Variants in AADACL3 observed in about 807,000 individuals in gnomAD.
AADACL3 encodes arylacetamide deacetylase like 3.
In AADACL3, 13 loss-of-function variants were observed where a neutral mutation model predicts 13.6. The observed-to-expected ratio is 0.95, with a 90% CI of 0.62 to 1.52. The LOEUF (loss-of-function observed/expected upper bound fraction) is 1.52. AADACL3 is among the 40% of genes most tolerant of loss of function. AADACL3 has a pLI of 0.00. For missense variants in AADACL3, 519 were observed against 499.2 expected, an observed-to-expected ratio of 1.04 and a Z score of -0.38; for synonymous variants, 195 against 197.0, an observed-to-expected ratio of 0.99 and a Z score of 0.08.
At chr1:12,724,741 CT>C (rs1638333252) in intron 3 of AADACL3, among the ~76,000 whole-genome samples, 2 of 152,208 alleles carry the variant, frequency 1.3e-5, no homozygotes, top group Admixed American at 6.5e-5. Context: ...CCATCTCAGC[CT>C]CCCAAAGTGC....
At chr1:12,722,867 G>C (rs142748095) in intron 3 of AADACL3, among the ~76,000 whole-genome samples, 1,743 of 152,128 alleles carry the variant, frequency 0.011, 37 homozygotes, top group African/African-American at 0.04. Context: ...CCTCAGCAAT[G>C]TCGACAGGTT....
rs199653755 is a variant in AADACL3, at chr1:12,719,700, C to A, written c.385+9C>A. 1.9e-6 allele frequency: 3 copies of A among 1,611,498 alleles called. No homozygotes were observed. In the African/African-American group the frequency reaches 4.0e-5, roughly 22 times the overall value. On this transcript the variant is annotated intron_variant, in intron 2 of 3. Transcript: ENST00000359318. ...CGTCATGGGGAGTTTGAGTAAGAAC[C>A]ATTTTCTCAGACCTCCTAAAGGGTG...
chr1:12,716,274 T>A lies in AADACL3; in HGVS notation c.98T>A (p.Ile33Asn). ...VICSHFFTVH[I>N]PAAVGHPVKL... ...TGCAGCCATTTTTTCACTGTGCACA[T>A]CCCTGCAGCGGTTGGCCACCCTGTG... Residue 33 changes from isoleucine (I) to asparagine (N), a missense_variant, in exon 1 of 4, where the codon ATC (isoleucine) becomes AAC (asparagine). By Grantham distance (149) the Ile-to-Asn change is moderately radical (BLOSUM62 -3). Coordinates refer to ENST00000359318, the MANE Select transcript of AADACL3 (RefSeq NM_001103170.3). The A allele has an allele frequency of 6.2e-7, 1 of 1,603,646 alleles. No individual in the cohort carries two copies. The highest frequency in any genetic ancestry group is 2.2e-5 in the East Asian group (1 of 44,830).
intron 3 of AADACL3, among the ~76,000 whole-genome samples, chr1:12,723,769 G>C (rs951673945): frequency 2.0e-5 from 3 of 150,476 alleles, no homozygotes; most frequent in Admixed American, 2.0e-4. Flanking sequence ...TTGAGCCACT[G>C]TGCTTGGCTG....
intron 3 of AADACL3, among the ~76,000 whole-genome samples, chr1:12,724,266 C>T (rs1364212652): frequency 1.3e-5 from 2 of 152,116 alleles, no homozygotes; most frequent in Non-Finnish European, 2.9e-5. Flanking sequence ...CCTACAACCA[C>T]ATTCACTTGG....
At chr1:12,718,640 G>A (rs1047054633) in intron 1 of AADACL3, among the ~76,000 whole-genome samples, 3 of 152,140 alleles carry the variant, frequency 2.0e-5, no homozygotes, top group African/African-American at 7.2e-5. Flanking sequence ...GGGAATACAG[G>A]AGCCCACCAC....
chr1:12,725,508 T>C lies in AADACL3; in HGVS notation c.736T>C (p.Trp246Arg). 1 of 1,614,170 alleles carries C rather than the reference T, an allele frequency of 6.2e-7. No individual in the cohort carries two copies. Among genetic ancestry groups the C allele is most frequent in the Non-Finnish European group, 8.5e-7 (1 of 1,180,024 alleles). The stretch of plus-strand genomic sequence containing the variant: ...GAGGAAAAACATCCCACTGCTCACC[T>C]GGAGTTTCATCTGCTACTTTTTTTT... ...QQRKNIPLLTWSFICYFFFQN... is the reference protein window; with the variant it reads ...QQRKNIPLLTRSFICYFFFQN... Residue 246 changes from tryptophan to arginine, a missense_variant, in exon 4 of 4, where the codon TGG (tryptophan) becomes CGG (arginine). Transcript: ENST00000359318.
At chr1:12,721,597 G>T (rs890626900) in intron 3 of AADACL3, among the ~76,000 whole-genome samples, 2 of 152,070 alleles carry the variant, frequency 1.3e-5, no homozygotes, top group African/African-American at 4.8e-5. Context: ...TTCACTGCAG[G>T]AACACTTGGA....
In AADACL3 at chr1:12,721,858, G is replaced by A. The variant is rs115839649; in HGVS notation, c.449+912G>A. 5.5e-3 allele frequency among the ~76,000 whole-genome samples: 835 copies of A among 152,320 alleles called. 8 individuals carry two copies. Among genetic ancestry groups the A allele is most frequent in the African/African-American group, 0.019 (800 of 41,568 alleles). On this transcript the variant is annotated intron_variant, in intron 3 of 3. Transcript: ENST00000359318. Reference sequence around the variant, plus strand: ...CCTGGAGCCTCAAAGAGGGCGTGGTGGGCATGGGGTCCCCTGTCCTGCTGC... The same window carrying A: ...CCTGGAGCCTCAAAGAGGGCGTGGTAGGCATGGGGTCCCCTGTCCTGCTGC...
intron 1 of AADACL3, 150 bp from the exon 2 acceptor site, chr1:12,719,325 A>G (rs1569622087): frequency 1.3e-6 from 1 of 750,050 alleles, no homozygotes; most frequent in Non-Finnish European, 2.3e-6. Flanking sequence ...TCCTGAGGGA[A>G]CTGAGGGCTT....
At chr1:12,723,203 A>G (rs914693899) in intron 3 of AADACL3, among the ~76,000 whole-genome samples, 12 of 152,092 alleles carry the variant, frequency 7.9e-5, no homozygotes, top group Non-Finnish European at 2.9e-5. Context: ...ACACCTGCTA[A>G]TATTAAAAAT....
intron 1 of AADACL3, among the ~76,000 whole-genome samples, chr1:12,718,649 A>G (rs1424260151): frequency 6.6e-6 from 1 of 152,010 alleles, no homozygotes. Context: ...GGAGCCCACC[A>G]CCACACCCAC....
rs538316218 is a variant in AADACL3, at chr1:12,718,434, A to C, written c.169-1041A>C. ...CCCAAGGCCAAAATGGCTGTGGCAC[A>C]GACAAGGATTAGGAAACACTGGAAA... On this transcript the variant is annotated intron_variant, in intron 1 of 3. Transcript: ENST00000359318. Among the ~76,000 whole-genome samples the C allele has an allele frequency of 1.6e-4, 24 of 152,000 alleles. No individual in the cohort carries two copies. The South Asian group carries it at 4.8e-3, about 30-fold the overall frequency.
chr1:12,724,362 C>T (rs3122570), intron 3 of AADACL3, among the ~76,000 whole-genome samples: 27,091 of 152,166 alleles, frequency 0.18, 2,682 homozygotes, highest in Middle Eastern at 0.24. Context: ...AGAAAACCCA[C>T]ACAGACATGA....
At chr1:12,720,623 A>T (rs1638228189) in intron 2 of AADACL3, among the ~76,000 whole-genome samples, 1 of 152,022 alleles carries the variant, frequency 6.6e-6, no homozygotes, top group South Asian at 2.1e-4. Flanking sequence ...CACACCCTAA[A>T]CCTCTGCGTT....
In AADACL3 at chr1:12,727,719, A is replaced by G. The variant is rs1638398644; in HGVS notation, c.*1723A>G. The G allele has an allele frequency of 6.6e-6, 1 of 152,280 alleles. No individual in the cohort carries two copies. The highest frequency in any genetic ancestry group is 2.1e-4 in the South Asian group (1 of 4,834). 9.4% of individuals were successfully genotyped at this position (152,280 alleles called of 1,614,324 possible). On this transcript the variant is annotated 3_prime_UTR_variant, in exon 4 of 4. Transcript: ENST00000359318. Reference sequence around the variant, plus strand: ...GACCAGCATGGGGTTTGTTGGAGAAATAGGAACCATCCCCTGAAAACACAC... The same window carrying G: ...GACCAGCATGGGGTTTGTTGGAGAAGTAGGAACCATCCCCTGAAAACACAC...
Position 12,725,780 on chromosome 1 carries a change from C to G in AADACL3, c.1008C>G (p.Leu336=), listed in dbSNP as rs1463054223. ...CAGAAGATGACATAGTGTCTCAGCTCCCGGAAACCTGCATCGTGAGCTGTG... is the reference window on the plus strand; with the variant it reads ...CAGAAGATGACATAGTGTCTCAGCTGCCGGAAACCTGCATCGTGAGCTGTG... ...LIAEDDIVSQ[L]PETCIVSCEY... Residue 336 remains leucine (L), a synonymous_variant, in exon 4 of 4, where the codon CTC becomes CTG. Coordinates refer to ENST00000359318, the MANE Select transcript of AADACL3 (RefSeq NM_001103170.3). 5 of 1,614,064 alleles carry G rather than the reference C, an allele frequency of 3.1e-6. No homozygotes were observed. The highest frequency in any genetic ancestry group is 4.2e-6 in the Non-Finnish European group (5 of 1,180,030).
chr1:12,722,500 A>G (rs1271904867), intron 3 of AADACL3, among the ~76,000 whole-genome samples: 1 of 152,056 alleles, frequency 6.6e-6, no homozygotes, highest in Non-Finnish European at 1.5e-5. Flanking sequence ...AGAGATCGTC[A>G]GTAGAACATG....
rs1638240684 is a variant in AADACL3, at chr1:12,720,868, C to A, written c.386-15C>A. On this transcript the variant is annotated splice_polypyrimidine_tract_variant and intron_variant, in intron 2 of 3. Coordinates refer to ENST00000359318, the MANE Select transcript of AADACL3 (RefSeq NM_001103170.3). ...AAGCCTTCCTAGTGAATCTTAAAAA[C>A]CATTTATTTTCTAGAAACCCACCAT... is the stretch of plus-strand genomic sequence containing the variant. 1.2e-6 allele frequency: 2 copies of A among 1,608,490 alleles called. No homozygotes were observed. Among genetic ancestry groups the A allele is most frequent in the Non-Finnish European group, 1.7e-6 (2 of 1,176,022 alleles).
Sources: gnomAD v4.1 joint callset for allele counts (sites outside exome capture counted in the v4.1 genomes callset) on GRCh38, gnomAD v4.1.1 for gene constraint, MANE v1.5 for transcripts, NCBI Gene and HGNC (gene_info 2026-07-23, HGNC 2026-07-21) for gene names.